Variants in GLG1 observed in about 807,000 individuals in gnomAD.
GLG1 encodes the protein Golgi apparatus protein 1.
Under a neutral mutation model 160.5 loss-of-function variants are expected in GLG1, and 38 were observed. The ratio of observed to expected loss-of-function variants is 0.24; its 90% CI spans 0.18 to 0.31. The LOEUF (loss-of-function observed/expected upper bound fraction) is 0.31, where lower values mean the gene tolerates loss of function less well. GLG1 is among the 10% of genes least tolerant of loss of function. GLG1 has a pLI of 1.00. For synonymous variants in GLG1, 644 were observed against 543.4 expected, an observed-to-expected ratio of 1.19 and a Z score of -2.57; for missense variants, 1,373 against 1,505.2, an observed-to-expected ratio of 0.91 and a Z score of 1.45.
rs115560158 is a variant in GLG1 at position 74,466,253 on chromosome 16, C to T, written c.2530-440G>A. On this transcript the variant is annotated intron_variant, in intron 18 of 25. Coordinates refer to ENST00000422840, the MANE Select transcript of GLG1 (RefSeq NM_001145667.2). ...TGCTAGATATGAATCAGACCCAATT[C>T]TCAGCCTGATAAATTCACAGCTACA... Among the ~76,000 whole-genome samples, 1,212 of 152,304 alleles carry T rather than the reference C, an allele frequency of 8.0e-3. 14 individuals carry two copies. The highest frequency in any genetic ancestry group is 0.028 in the African/African-American group (1,157 of 41,568).
rs545518610 is a variant in GLG1, at chr16:74,488,647, T to C, written c.1449+2354A>G. On this transcript the variant is annotated intron_variant, in intron 8 of 25. Coordinates refer to ENST00000422840, the MANE Select transcript of GLG1 (RefSeq NM_001145667.2). ...TAATTTTTTATTTTTTGAGGTGGAGTCTTGCTCTATTGCCCAGGCTGGAGT... is the reference window on the plus strand; with the variant it reads ...TAATTTTTTATTTTTTGAGGTGGAGCCTTGCTCTATTGCCCAGGCTGGAGT... Among the ~76,000 whole-genome samples the C allele has an allele frequency of 1.4e-4, 21 of 152,192 alleles. No homozygotes were observed. In the East Asian group the frequency reaches 4.0e-3, roughly 29 times the overall value.
chr16:74,490,947 G>A, intron 8 of GLG1, 54 bp downstream of exon 8: 1 of 1,238,148 alleles, frequency 8.1e-7, no homozygotes, highest in Non-Finnish European at 1.2e-6. Context: ...TCAGGAAGAG[G>A]CTCTTCAGCT....
intron 4 of GLG1, among the ~76,000 whole-genome samples, chr16:74,503,165 C>G (rs2016472330): frequency 6.6e-6 from 1 of 151,922 alleles, no homozygotes; most frequent in African/African-American, 2.4e-5. Context: ...GGAAATCCCA[C>G]CACTGTACTC....
intron 1 of GLG1, among the ~76,000 whole-genome samples, chr16:74,563,726 C>CA (rs539716895): frequency 0.057 from 4,822 of 85,286 alleles, 108 homozygotes; most frequent in Non-Finnish European, 0.079. Context: ...GACCCTGTCT[C>CA]AAAAAAAAAA....
intron 1 of GLG1, among the ~76,000 whole-genome samples, chr16:74,583,416 T>G (rs1201262989): frequency 6.6e-6 from 1 of 152,188 alleles, no homozygotes; most frequent in Non-Finnish European, 1.5e-5. Flanking sequence ...GTTTCGCTCT[T>G]GTCCCCCAAG....
intron 1 of GLG1, among the ~76,000 whole-genome samples, chr16:74,536,749 G>A (rs2017698279): frequency 6.6e-6 from 1 of 152,136 alleles, no homozygotes; most frequent in South Asian, 2.1e-4. Flanking sequence ...AATATTTTAT[G>A]AGTATGTATC....
In GLG1 at chr16:74,503,630, G is replaced by A. The variant is rs763989887; in HGVS notation, c.675C>T (p.Ala225=). The change falls in exon 4 of 26, where the codon GCC becomes GCT. Residue 225 remains alanine (A), a synonymous_variant. Transcript: ENST00000422840. ...TTAAACGGTAATCACTAAAAATGAT[G>A]GCCGTCATCTTGGTAATGTACTGGT... ...QCHQYITKMT[A]IIFSDYRLIC... 2.5e-6 allele frequency: 4 copies of A among 1,612,294 alleles called. No individual in the cohort carries two copies. Among genetic ancestry groups the A allele is most frequent in the Non-Finnish European group, 3.4e-6 (4 of 1,178,392 alleles).
At chr16:74,456,583 TG>T in intron 25 of GLG1, 65 bp downstream of exon 25, 1 of 963,188 alleles carries the variant, frequency 1.0e-6, no homozygotes. Flanking sequence ...AAGGATGACA[TG>T]CAAATTGGTG....
chr16:74,468,935 G>A lies in GLG1; in HGVS notation c.2436+11C>T, dbSNP rs749678281. 7 of 1,503,462 alleles carry A rather than the reference G, an allele frequency of 4.7e-6. No individual in the cohort carries two copies. The South Asian group carries it at 6.7e-5, about 14-fold the overall frequency. The allele number at this position is 1,503,462 out of a possible 1,614,324, so 93.1% of individuals were successfully genotyped here. A position where few individuals can be genotyped will look rare whatever the true frequency, so the allele number is the denominator to read the frequency against. On this transcript the variant is annotated intron_variant, in intron 17 of 25. Transcript: ENST00000422840. ...CTGTGGTTTCTGGGAGCAGAGGCTG[G>A]GAGGCATTACCATCTCCAGCTCCTC...
chr16:74,583,685 T>A (rs1274224083), intron 1 of GLG1, among the ~76,000 whole-genome samples: 1 of 152,172 alleles, frequency 6.6e-6, no homozygotes, highest in Non-Finnish European at 1.5e-5. Flanking sequence ...CAGCCTAAAC[T>A]TTGACTTCTC....
intron 11 of GLG1, among the ~76,000 whole-genome samples, chr16:74,479,366 C>T (rs1223838552): frequency 1.3e-5 from 2 of 151,452 alleles, no homozygotes; most frequent in East Asian, 3.9e-4. Flanking sequence ...AAACCTCCTA[C>T]CCCCTAGTCA....
At chr16:74,570,628 G>T (rs1194469739) in intron 1 of GLG1, among the ~76,000 whole-genome samples, 1 of 152,146 alleles carries the variant, frequency 6.6e-6, no homozygotes, top group East Asian at 1.9e-4. Context: ...AGGCACAGTG[G>T]CTCTCATCTG....
intron 2 of GLG1, among the ~76,000 whole-genome samples, chr16:74,517,628 G>A (rs74438705): frequency 5.1e-4 from 77 of 152,272 alleles, no homozygotes; most frequent in African/African-American, 1.7e-3. Flanking sequence ...CATTCCCTTT[G>A]AAAACCAGCA....
rs148849938 is a variant in GLG1 at position 74,498,367 on chromosome 16, G to C, written c.775-1723C>G. On this transcript the variant is annotated intron_variant, in intron 4 of 25. Coordinates refer to ENST00000422840, the MANE Select transcript of GLG1 (RefSeq NM_001145667.2). ...GAATCGCTTGAACCCAGGAGGTAGA[G>C]GTTGCAGGGAGCCGAGATTGCACCA... is the stretch of plus-strand genomic sequence containing the variant. Among the ~76,000 whole-genome samples, 6 of 142,108 alleles carry C rather than the reference G, an allele frequency of 4.2e-5. No individual in the cohort carries two copies. The South Asian group carries it at 1.4e-3, about 32-fold the overall frequency. The allele number at this position is 142,108 out of a possible 152,430, so 93.2% of individuals were successfully genotyped here.
chr16:74,519,144 AC>A (rs1335716318), intron 2 of GLG1, among the ~76,000 whole-genome samples: 2 of 152,234 alleles, frequency 1.3e-5, no homozygotes, highest in African/African-American at 2.4e-5. Context: ...ACTGTGGAAT[AC>A]TATGCAGCCA....
At chr16:74,480,849 G>C (rs2015572763) in intron 10 of GLG1, among the ~76,000 whole-genome samples, 1 of 152,176 alleles carries the variant, frequency 6.6e-6, no homozygotes, top group African/African-American at 2.4e-5. Flanking sequence ...ACTGCACCCA[G>C]CCGTGAATTT....
intron 4 of GLG1, among the ~76,000 whole-genome samples, chr16:74,498,468 T>TATATATATAAATA (rs1491206560): frequency 3.4e-5 from 1 of 29,668 alleles, no homozygotes; most frequent in Non-Finnish European, 7.0e-5. Context: ...ATATATATAT[T>TATATATATAAATA]ATATTTTATA....
rs774828711 is a variant in GLG1, at chr16:74,607,109, G to T, written c.-15C>A. The T allele has an allele frequency of 4.0e-6, 6 of 1,513,452 alleles. No homozygotes were observed. In the East Asian group the frequency reaches 7.4e-5, roughly 19 times the overall value. 93.8% of individuals were successfully genotyped at this position (1,513,452 alleles called of 1,614,324 possible). On this transcript the variant is annotated 5_prime_UTR_variant, in exon 1 of 26. Transcript: ENST00000422840. ...CACGCCGCCATCTTGAGTCCGCGGC[G>T]AGCTCGACGCACTCGCCGGCGCCGC...
rs1282866351 is a variant in GLG1 at position 74,450,011 on chromosome 16, C to G, written c.*3156G>C. The G allele has an allele frequency of 6.6e-6, 1 of 152,388 alleles. No homozygotes were observed. The highest frequency in any genetic ancestry group is 1.5e-5 in the Non-Finnish European group (1 of 68,192). The allele number at this position is 152,388 out of a possible 1,614,324, so 9.4% of individuals were successfully genotyped here. On this transcript the variant is annotated 3_prime_UTR_variant, in exon 26 of 26. Transcript: ENST00000422840. ...ACAGCTCACCTTCAGTACCCCAGAGCCTCCAGCCTGGCAGTCCGGGCTCCA... is the reference window on the plus strand; with the variant it reads ...ACAGCTCACCTTCAGTACCCCAGAGGCTCCAGCCTGGCAGTCCGGGCTCCA...
Sources: gnomAD v4.1 joint callset for allele counts (sites outside exome capture counted in the v4.1 genomes callset) on GRCh38, gnomAD v4.1.1 for gene constraint, MANE v1.5 for transcripts, NCBI Gene and HGNC (gene_info 2026-07-23, HGNC 2026-07-21) for gene names.